The following GPAT2 variants were observed in gnomAD, a reference collection of about 807,000 sequenced individuals.
GPAT2 encodes the protein 1-acylglycerol-3-phosphate O-acyltransferase GPAT2.
Under a neutral mutation model 71.0 loss-of-function variants are expected in GPAT2, and 51 were observed. That is an observed-to-expected ratio of 0.72 (90% confidence interval 0.57 to 0.91). The LOEUF is 0.91. Among genes scored for constraint, GPAT2 ranks in the 40% least tolerant of loss-of-function variants. The probability of loss-of-function intolerance (pLI) is 0.00; values close to 1 mark genes in which losing one functional copy is unlikely to be tolerated. For synonymous variants in GPAT2, 222 were observed against 290.3 expected, an observed-to-expected ratio of 0.76 and a Z score of 2.39; for missense variants, 511 against 666.0, an observed-to-expected ratio of 0.77 and a Z score of 2.56.
rs1680052807 is a variant in GPAT2 at position 96,023,995 on chromosome 2, G to T, written c.1842C>A (p.Cys614Ter). The change falls in exon 17 of 22, where the codon TGC becomes TGA. Residue 614 changes from cysteine (C) to a stop codon, truncating the protein, a stop_gained. Coordinates refer to ENST00000434632, the MANE Select transcript of GPAT2 (RefSeq NM_001321527.2). LOFTEE classifies it high-confidence loss of function. ...CCTGACAGTAGCAGTAGGAAGACTG[G>T]CAGGGCTGGGAGAAAAAGGCACCCA... ...LPQDLLLLKP[C>*]QSSYCYCQEV... The T allele has an allele frequency of 6.3e-7, 1 of 1,592,998 alleles. No individual in the cohort carries two copies. The highest frequency in any genetic ancestry group is 8.5e-7 in the Non-Finnish European group (1 of 1,169,966).
At chr2:96,024,072 G>A (rs1014301519) in intron 16 of GPAT2, 72 bp from the exon 17 acceptor site, 56 of 1,593,936 alleles carry the variant, frequency 3.5e-5, no homozygotes, top group Middle Eastern at 3.9e-4. Context: ...CAAAGACCGG[G>A]CAAGGCCACA....
intron 12 of GPAT2, 130 bp from the exon 13 acceptor site, chr2:96,025,733 C>T (rs2579511): frequency 2.9e-4 from 428 of 1,455,916 alleles, no homozygotes; most frequent in Admixed American, 3.5e-4. Flanking sequence ...GCTTCTATAA[C>T]CCCCAGTCCC....
In GPAT2 at chr2:96,021,996, A is replaced by G; in HGVS notation, c.*163T>C. 1 of 1,448,576 alleles carries G rather than the reference A, an allele frequency of 6.9e-7. No homozygotes were observed. The allele number at this position is 1,448,576 out of a possible 1,614,324, so 89.7% of individuals were successfully genotyped here. Reference sequence around the variant, plus strand: ...CTCGTCTCGTCCCCTTGTTTATCACATCAAAGAAGGGAAAAAGCAAGAGAT... The same window carrying G: ...CTCGTCTCGTCCCCTTGTTTATCACGTCAAAGAAGGGAAAAAGCAAGAGAT... On this transcript the variant is annotated 3_prime_UTR_variant, in exon 22 of 22. Coordinates refer to ENST00000434632, the MANE Select transcript of GPAT2 (RefSeq NM_001321527.2).
At chr2:96,025,032 G>C (rs1393685748) in intron 13 of GPAT2, 189 bp from the exon 14 acceptor site, 1 of 665,768 alleles carries the variant, frequency 1.5e-6, no homozygotes, top group African/African-American at 1.8e-5. Context: ...GCCTTCCCCT[G>C]GATCTCATCG....
rs1457830482 is a variant in GPAT2 at position 96,025,491 on chromosome 2, G to A, written c.1351C>T (p.Leu451=). ...AGATCTGGTTCACCCTCACCACTCA[G>A]GACATGACAGCTCAGTCTCCTGACC... is the stretch of plus-strand genomic sequence containing the variant. ...LLVRRLSCHV[L]SASVGSSAVM... is the part of the protein sequence containing the mutation. The change falls in exon 13 of 22, where the codon CTG becomes TTG. Residue 451 remains leucine (L), a synonymous_variant. Transcript: ENST00000434632. 6.3e-7 allele frequency: 1 copy of A among 1,575,448 alleles called. No individual in the cohort carries two copies. Among genetic ancestry groups the A allele is most frequent in the South Asian group, 1.2e-5 (1 of 86,498 alleles).
Position 96,022,002 on chromosome 2 carries a change from G to A in GPAT2, c.*157C>T. ...TCGTCCCCTTGTTTATCACATCAAA[G>A]AAGGGAAAAAGCAAGAGATGGCAAG... On this transcript the variant is annotated 3_prime_UTR_variant, in exon 22 of 22. Coordinates refer to ENST00000434632, the MANE Select transcript of GPAT2 (RefSeq NM_001321527.2). The A allele has an allele frequency of 6.9e-7, 1 of 1,455,532 alleles. No individual in the cohort carries two copies. Among genetic ancestry groups the A allele is most frequent in the Non-Finnish European group, 9.1e-7 (1 of 1,099,260 alleles). The allele number at this position is 1,455,532 out of a possible 1,614,324, so 90.2% of individuals were successfully genotyped here. A position where few individuals can be genotyped will look rare whatever the true frequency, so the allele number is the denominator to read the frequency against.
rs1374104766 is a variant in GPAT2 at position 96,022,983 on chromosome 2, G to A, written c.2208C>T (p.Ala736=). 3 of 1,613,826 alleles carry A rather than the reference G, an allele frequency of 1.9e-6. No homozygotes were observed. The highest frequency in any genetic ancestry group is 2.5e-6 in the Non-Finnish European group (3 of 1,179,864). Residue 736 remains alanine, a synonymous_variant, in exon 20 of 22, where the codon GCC becomes GCT. Transcript: ENST00000434632. ...YTEQLFQFLQ[A]TAQEEGIFEC... ...CGAAGATCCCTTCTTCCTGGGCGGT[G>A]GCCTGCAGGAACTGGAACAGCTGCT...
intron 13 of GPAT2, 189 bp from the exon 14 acceptor site, chr2:96,025,032 G>A (rs1393685748): frequency 1.7e-5 from 11 of 665,650 alleles, no homozygotes; most frequent in Admixed American, 7.3e-5. Context: ...GCCTTCCCCT[G>A]GATCTCATCG....
chr2:96,023,421 G>C lies in GPAT2; in HGVS notation c.1934C>G (p.Ala645Gly), dbSNP rs759128884. 1.2e-6 allele frequency: 2 copies of C among 1,614,036 alleles called. No individual in the cohort carries two copies. Among genetic ancestry groups the C allele is most frequent in the South Asian group, 2.2e-5 (2 of 91,090 alleles). ...VAEETPGSRP[A>G]CDTGRQRLSR... ...CAATCGCTGTCGCCCTGTGTCACAG[G>C]CTGGCCGGGAGCCTGGGGTCTAGGG... The change falls in exon 18 of 22, where the codon GCC (alanine) becomes GGC (glycine). Residue 645 changes from alanine (A) to glycine (G), a missense_variant. Physicochemically the swap from Ala to Gly is moderately conservative, Grantham distance 60. This residue lies in a region of GPAT2 where 295 missense variants were observed against 305.5 expected (regional missense o/e 0.97). Transcript: ENST00000434632.
intron 21 of GPAT2, 44 bp from the exon 22 acceptor site, chr2:96,022,319 CTG>C: frequency 6.5e-7 from 1 of 1,537,926 alleles, no homozygotes; most frequent in African/African-American, 1.4e-5. Flanking sequence ...ACCACAGGGA[CTG>C]TGTACACATG....
At chr2:96,025,266 A>G in intron 13 of GPAT2, 2 of 630,076 alleles carry the variant, frequency 3.2e-6, no homozygotes, top group Non-Finnish European at 5.3e-6. Flanking sequence ...GCCTCAGGCC[A>G]CCATCTTTGT....
In GPAT2 at chr2:96,022,043, A is replaced by G. The variant is rs1027265433; in HGVS notation, c.*116T>C. On this transcript the variant is annotated 3_prime_UTR_variant, in exon 22 of 22. Transcript: ENST00000434632. Reference sequence around the variant, plus strand: ...AGATGGCAAGGGACAATCAAGCCTCAATGATTATATTTATAGAGCAGCTAA... The same window carrying G: ...AGATGGCAAGGGACAATCAAGCCTCGATGATTATATTTATAGAGCAGCTAA... The G allele has an allele frequency of 3.6e-5, 54 of 1,481,518 alleles. No individual in the cohort carries two copies. The highest frequency in any genetic ancestry group is 4.8e-5 in the Non-Finnish European group (53 of 1,113,434). The allele number at this position is 1,481,518 out of a possible 1,614,324, so 91.8% of individuals were successfully genotyped here. A position where few individuals can be genotyped will look rare whatever the true frequency, so the allele number is the denominator to read the frequency against.
chr2:96,025,564 G>A lies in GPAT2; in HGVS notation c.1278C>T (p.Thr426=), dbSNP rs1680310390. The A allele has an allele frequency of 6.4e-7, 1 of 1,572,600 alleles. No homozygotes were observed. The highest frequency in any genetic ancestry group is 1.2e-5 in the South Asian group (1 of 86,656). ...GGGCCAGGAGAGGCCCAGTTATGGG[G>A]GTCCACTCCTGCTCCTTCTCAGTGT... ...VPDTEKEQEW[T]PITGPLLALK... The change falls in exon 13 of 22, where the codon ACC becomes ACT. Residue 426 remains threonine (T), a synonymous_variant. Coordinates refer to ENST00000434632, the MANE Select transcript of GPAT2 (RefSeq NM_001321527.2).
rs369813151 is a variant in GPAT2, at chr2:96,026,028, C to T, written c.1156-16G>A. The T allele has an allele frequency of 3.1e-6, 5 of 1,612,214 alleles. No homozygotes were observed. The highest frequency in any genetic ancestry group is 3.4e-6 in the Non-Finnish European group (4 of 1,179,592). The stretch of plus-strand genomic sequence containing the variant: ...CGATGTATTCCTGCCCAAGAGAAGG[C>T]TCTTAGGTGGCCTGCTCGGGCCCAC... On this transcript the variant is annotated splice_polypyrimidine_tract_variant and intron_variant, in intron 11 of 21. Transcript: ENST00000434632.
In GPAT2 at chr2:96,024,408, C is replaced by T. The variant is rs372804735; in HGVS notation, c.1687+19G>A. 198 of 1,611,906 alleles carry T rather than the reference C, an allele frequency of 1.2e-4. No homozygotes were observed. The African/African-American group carries it at 1.6e-3, about 13-fold the overall frequency. ...CACTGCACACACATCCCACCTACCC[C>T]GTGCACCTCAAGACTCACCGCCCAC... On this transcript the variant is annotated intron_variant, in intron 15 of 21. Transcript: ENST00000434632.
chr2:96,026,079 G>C, intron 11 of GPAT2, 67 bp from the exon 12 acceptor site: 1 of 1,589,126 alleles, frequency 6.3e-7, no homozygotes, highest in Non-Finnish European at 8.6e-7. Flanking sequence ...CAGCCCACTG[G>C]AAGTAGGCAA....
At chr2:96,022,889 T>G (rs1312473495) in intron 20 of GPAT2, 69 bp downstream of exon 20, 8 of 1,612,834 alleles carry the variant, frequency 5.0e-6, no homozygotes, top group Middle Eastern at 1.7e-4. Flanking sequence ...GTCACTGTCC[T>G]GCAGGGGGCA....
In GPAT2 at chr2:96,026,213, C is replaced by T; in HGVS notation, c.1125G>A (p.Arg375=). 3 of 1,611,796 alleles carry T rather than the reference C, an allele frequency of 1.9e-6. No individual in the cohort carries two copies. The highest frequency in any genetic ancestry group is 2.5e-6 in the Non-Finnish European group (3 of 1,179,270). Reference sequence around the variant, plus strand: ...GGGAAAAGGGCTGAGCTAGGTGCACCCGGGAGCAGATCCGGTGGCTGCAGC... The same window carrying T: ...GGGAAAAGGGCTGAGCTAGGTGCACTCGGGAGCAGATCCGGTGGCTGCAGC... ...RWGCSHRICS[R]VHLAQPFSLQ... is the part of the protein sequence containing the mutation. Residue 375 remains arginine (R), a synonymous_variant, in exon 11 of 22, where the codon CGG becomes CGA. Coordinates refer to ENST00000434632, the MANE Select transcript of GPAT2 (RefSeq NM_001321527.2).
Position 96,022,709 on chromosome 2 carries a change from T to G in GPAT2, c.2248A>C (p.Lys750Gln), listed in dbSNP as rs1469789526. 6.2e-7 allele frequency: 1 copy of G among 1,613,878 alleles called. No homozygotes were observed. Among genetic ancestry groups the G allele is most frequent in the South Asian group, 1.1e-5 (1 of 91,072 alleles). The change falls in exon 21 of 22, where the codon AAG becomes CAG. Residue 750 changes from lysine (K) to glutamine (Q), a missense_variant. Coordinates refer to ENST00000434632, the MANE Select transcript of GPAT2 (RefSeq NM_001321527.2). ...EEGIFECADP[K>Q]LAISAVWTFR... The stretch of plus-strand genomic sequence containing the variant: ...GTCCAGACAGCACTGATGGCGAGCT[T>G]TGGGTCCGCACACTCTGGAAAGAAG...
Sources: allele counts gnomAD v4.1 joint callset, GRCh38; gene constraint gnomAD v4.1.1; regional missense constraint gnomAD v4.1.1; transcripts MANE v1.5; gene names NCBI Gene and HGNC (gene_info 2026-07-23, HGNC 2026-07-21).